SLIT2: variants seen among roughly 807,000 people sequenced by gnomAD.
SLIT2 encodes the protein slit guidance ligand 2.
A neutral mutation model predicts 185.7 loss-of-function variants in SLIT2; 41 were observed. That is an observed-to-expected ratio of 0.22 (90% CI 0.17 to 0.29). The LOEUF is 0.29. Ranked by LOEUF, SLIT2 falls within the 10% of genes least tolerant of loss-of-function variation. SLIT2 has a pLI of 1.00. For missense variants in SLIT2, 1,571 were observed against 1,909.0 expected, an observed-to-expected ratio of 0.82 and a Z score of 3.30; for synonymous variants, 693 against 680.2, an observed-to-expected ratio of 1.02 and a Z score of -0.29.
At chr4:20,402,484 A>G (rs28649885) in intron 4 of SLIT2, among the ~76,000 whole-genome samples, 144 of 151,968 alleles carry the variant, frequency 9.5e-4, no homozygotes, top group African/African-American at 3.3e-3. Context: ...TTGTTGTAGT[A>G]CTTTGTAAGT....
intron 11 of SLIT2, among the ~76,000 whole-genome samples, chr4:20,515,578 A>G (rs984982067): frequency 4.6e-5 from 7 of 152,138 alleles, no homozygotes; most frequent in Admixed American, 6.5e-5. Context: ...ATAGGTTTTC[A>G]ATGAAAATTA....
intron 4 of SLIT2, among the ~76,000 whole-genome samples, chr4:20,301,571 A>G (rs1450946244): frequency 1.3e-5 from 2 of 152,176 alleles, no homozygotes; most frequent in Admixed American, 6.6e-5. Context: ...ATGTAGTTAA[A>G]TTATCATGTC....
intron 5 of SLIT2, among the ~76,000 whole-genome samples, chr4:20,473,303 A>C (rs1715762594): frequency 6.6e-6 from 1 of 152,046 alleles, no homozygotes; most frequent in Non-Finnish European, 1.5e-5. Context: ...CTTGGTTAAA[A>C]AATATGTTGG....
intron 3 of SLIT2, among the ~76,000 whole-genome samples, chr4:20,264,684 G>C (rs1336104142): frequency 6.6e-6 from 1 of 151,876 alleles, no homozygotes; most frequent in Non-Finnish European, 1.5e-5. Context: ...GAGGCCAGTG[G>C]TGTTTTGTGC....
chr4:20,339,823 A>T (rs1720816060), intron 4 of SLIT2, among the ~76,000 whole-genome samples: 1 of 152,176 alleles, frequency 6.6e-6, no homozygotes, highest in South Asian at 2.1e-4. Flanking sequence ...GATTTAAAAA[A>T]AAAAGAAAAA....
intron 12 of SLIT2, among the ~76,000 whole-genome samples, chr4:20,521,166 C>T (rs1430347766): frequency 6.6e-6 from 1 of 152,178 alleles, no homozygotes; most frequent in Non-Finnish European, 1.5e-5. Flanking sequence ...TCCATCCACA[C>T]TTATTGGTAG....
chr4:20,549,096 C>T lies in SLIT2; in HGVS notation c.2457C>T (p.Arg819=), dbSNP rs1011866390. The T allele has an allele frequency of 1.9e-6, 3 of 1,598,488 alleles. No homozygotes were observed. The highest frequency in any genetic ancestry group is 1.7e-6 in the Non-Finnish European group (2 of 1,166,372). ...SYNRLRCIPP[R]TFDGLKSLRL... ...ACCGTCTGAGATGTATTCCTCCTCG[C>T]ACCTTTGATGGATTAAAGTCTCTTC... Residue 819 remains arginine, a synonymous_variant, in exon 24 of 37, where the codon CGC becomes CGT. Transcript: ENST00000504154.
intron 4 of SLIT2, among the ~76,000 whole-genome samples, chr4:20,395,539 G>A (rs1022365569): frequency 2.6e-5 from 4 of 151,976 alleles, no homozygotes; most frequent in African/African-American, 9.7e-5. Context: ...GCAACAGTAT[G>A]GAGGAGAGCT....
intron 29 of SLIT2, among the ~76,000 whole-genome samples, chr4:20,571,338 A>G (rs574824252): frequency 7.6e-4 from 116 of 152,314 alleles, no homozygotes; most frequent in African/African-American, 2.6e-3. Context: ...ACATGAAGAT[A>G]TGACCATTTT....
chr4:20,384,783 G>GTCAGTAATTA (rs1170675740), intron 4 of SLIT2, among the ~76,000 whole-genome samples: 1 of 152,128 alleles, frequency 6.6e-6, no homozygotes, highest in Non-Finnish European at 1.5e-5. Context: ...AGCAGCACTT[G>GTCAGTAATTA]TCAGTAATTA....
In SLIT2 at chr4:20,541,543, T is replaced by C. The variant is rs1244269070; in HGVS notation, c.2067T>C (p.Pro689=). The part of the protein sequence containing the change: ...LRKKRIVTGN[P]RCQKPYFLKE... ...AGAAGAGAATTGTCACGGGAAATCC[T>C]AGATGTCAAAAACCATACTTCCTGA... is the stretch of plus-strand genomic sequence containing the variant. The change falls in exon 20 of 37, where the codon CCT becomes CCC. Residue 689 remains proline (P), a synonymous_variant. Transcript: ENST00000504154. 6.2e-7 allele frequency: 1 copy of C among 1,613,854 alleles called. No homozygotes were observed. Among genetic ancestry groups the C allele is most frequent in the African/African-American group, 1.3e-5 (1 of 74,916 alleles).
At chr4:20,361,869 G>A (rs1023707487) in intron 4 of SLIT2, among the ~76,000 whole-genome samples, 2 of 151,742 alleles carry the variant, frequency 1.3e-5, no homozygotes, top group Admixed American at 6.6e-5. Flanking sequence ...CATTTTTTGG[G>A]TGTACAGCCC....
At chr4:20,287,751 C>A (rs1235042966) in intron 4 of SLIT2, among the ~76,000 whole-genome samples, 1 of 152,146 alleles carries the variant, frequency 6.6e-6, no homozygotes, top group Non-Finnish European at 1.5e-5. Context: ...ATTCAAGCTA[C>A]TGGTGGCAAA....
intron 4 of SLIT2, among the ~76,000 whole-genome samples, chr4:20,463,515 A>ATGTGTG (rs375793654): frequency 0.011 from 1,232 of 112,326 alleles, 16 homozygotes; most frequent in African/African-American, 0.023. Context: ...ATATCCATAT[A>ATGTGTG]TGTGTGTGTG....
rs540822105 is a variant in SLIT2, at chr4:20,554,694, C to A, written c.2725+726C>A. ...GTAGTCAACTATATGGATTTAGGTT[C>A]CTTATAAAAAGTGGGATAAAGTTTA... On this transcript the variant is annotated intron_variant, in intron 26 of 36. Coordinates refer to ENST00000504154, the MANE Select transcript of SLIT2 (RefSeq NM_004787.4). Among the ~76,000 whole-genome samples the A allele has an allele frequency of 1.3e-3, 200 of 151,806 alleles. 1 individual carries two copies. The highest frequency in any genetic ancestry group is 4.5e-3 in the African/African-American group (185 of 41,414).
chr4:20,497,797 A>G (rs1302823584), intron 9 of SLIT2, among the ~76,000 whole-genome samples: 2 of 152,030 alleles, frequency 1.3e-5, no homozygotes, highest in African/African-American at 4.8e-5. Flanking sequence ...TGGGGAAGAC[A>G]GTGTTGGGAG....
At chr4:20,532,752 G>A (rs1183118671) in intron 17 of SLIT2, among the ~76,000 whole-genome samples, 2 of 152,190 alleles carry the variant, frequency 1.3e-5, no homozygotes, top group Non-Finnish European at 2.9e-5. Flanking sequence ...TACTTGTACA[G>A]ATGGCATCCA....
chr4:20,388,197 A>G lies in SLIT2; in HGVS notation c.396-79555A>G, dbSNP rs369113204. Among the ~76,000 whole-genome samples, 42 of 152,276 alleles carry G rather than the reference A, an allele frequency of 2.8e-4. No homozygotes were observed. The South Asian group carries it at 8.1e-3, about 29-fold the overall frequency. ...CAAAAGCACAGTTCTAAAAAACTAA[A>G]CTGAAACCTTGGGCTTCATTAAAAT... On this transcript the variant is annotated intron_variant, in intron 4 of 36. Coordinates refer to ENST00000504154, the MANE Select transcript of SLIT2 (RefSeq NM_004787.4).
intron 5 of SLIT2, among the ~76,000 whole-genome samples, chr4:20,475,217 A>G (rs1251669894): frequency 2.0e-5 from 3 of 152,008 alleles, no homozygotes; most frequent in Non-Finnish European, 4.4e-5. Flanking sequence ...GCCTCTGCTC[A>G]CAACTCTTCT....
Sources: allele counts gnomAD v4.1 joint callset (sites outside exome capture counted in the v4.1 genomes callset), GRCh38; gene constraint gnomAD v4.1.1; transcripts MANE v1.5; gene names NCBI Gene and HGNC (gene_info 2026-07-23, HGNC 2026-07-21).